Variants in BTD observed in about 807,000 individuals in gnomAD.
BTD encodes the protein biotinidase.
BTD carries 13 observed loss-of-function variants against 17.7 expected under a neutral mutation model. That is an observed-to-expected ratio of 0.74 (90% CI 0.48 to 1.17). The LOEUF (loss-of-function observed/expected upper bound fraction) is 1.17. Among genes scored for constraint, BTD ranks in the 50% most tolerant of loss-of-function variants. BTD has a pLI of 0.00. For missense variants in BTD, 674 were observed against 650.4 expected, an observed-to-expected ratio of 1.04 and a Z score of -0.39; for synonymous variants, 240 against 245.2, an observed-to-expected ratio of 0.98 and a Z score of 0.20.
Position 15,651,181 on chromosome 3 carries a change from C to G in BTD, c.*5693C>G, listed in dbSNP as rs1032473543. On this transcript the variant is annotated 3_prime_UTR_variant, in exon 4 of 4. Coordinates refer to ENST00000643237, the MANE Select transcript of BTD (RefSeq NM_001370658.1). ...ATGGATTGAGGGGTGGGGACTGTTT[C>G]CCAGGGGAACACTGGGACAGCGTTA... is the stretch of plus-strand genomic sequence containing the variant. Among the ~76,000 whole-genome samples, 1 of 152,140 alleles carries G rather than the reference C, an allele frequency of 6.6e-6. No homozygotes were observed. Among genetic ancestry groups the G allele is most frequent in the Non-Finnish European group, 1.5e-5 (1 of 68,022 alleles).
rs201631150 is a variant in BTD at position 15,721,045 on chromosome 3, A to G, written c.1016-725A>G. On this transcript the variant is annotated intron_variant, in intron 4 of 4. Transcript: ENST00000672427. ...TTGATTCACAATAGCACCACAGTCT[A>G]TAAGTTCATTCACTACAACATCTTG... 399 of 1,613,938 alleles carry G rather than the reference A, an allele frequency of 2.5e-4. No homozygotes were observed. Among genetic ancestry groups the G allele is most frequent in the Middle Eastern group, 1.8e-3 (11 of 6,060 alleles).
At chr3:15,681,274 A>G (rs2067518716) in intron 3 of BTD, among the ~76,000 whole-genome samples, 1 of 152,338 alleles carries the variant, frequency 6.6e-6, no homozygotes, top group Non-Finnish European at 1.5e-5. Context: ...AAAAGTCTGT[A>G]CATGTTCAGC....
At chr3:15,637,097 G>A (rs187060104) in intron 2 of BTD, among the ~76,000 whole-genome samples, 16 of 152,198 alleles carry the variant, frequency 1.1e-4, no homozygotes, top group East Asian at 3.9e-4. Flanking sequence ...CCTTATCACG[G>A]CATGCCATCT....
Position 15,721,588 on chromosome 3 carries a change from A to G in BTD, c.1016-182A>G, listed in dbSNP as rs192760671. On this transcript the variant is annotated intron_variant, in intron 4 of 4. Transcript: ENST00000672427. Reference sequence around the variant, plus strand: ...TAACCTTAGTAATAAAGTACAGATCAAGATTTAAAAAAAAATGAACGGCAT... The same window carrying G: ...TAACCTTAGTAATAAAGTACAGATCGAGATTTAAAAAAAAATGAACGGCAT... 2.7e-3 allele frequency among the ~76,000 whole-genome samples: 414 copies of G among 152,338 alleles called. 1 individual carries two copies. The highest frequency in any genetic ancestry group is 9.6e-3 in the African/African-American group (400 of 41,586).
intron 1 of BTD, among the ~76,000 whole-genome samples, chr3:15,610,165 T>A (rs182114016): frequency 6.6e-6 from 1 of 152,312 alleles, no homozygotes; most frequent in African/African-American, 2.4e-5. Flanking sequence ...GGCTCACCCA[T>A]GTATCTGTTA....
intron 1 of BTD, among the ~76,000 whole-genome samples, chr3:15,617,162 C>T (rs573431852): frequency 2.0e-5 from 3 of 152,288 alleles, no homozygotes; most frequent in South Asian, 4.1e-4. Context: ...AAGTTGTTTA[C>T]TTTCTTATTG....
intron 1 of BTD, among the ~76,000 whole-genome samples, chr3:15,632,072 C>T (rs146244102): frequency 6.5e-4 from 99 of 152,288 alleles, no homozygotes; most frequent in African/African-American, 2.3e-3. Context: ...GCCTCAGGCT[C>T]TCTGCCTGCC....
At chr3:15,658,181 A>G (rs2065890252), downstream of BTD, among the ~76,000 whole-genome samples, 1 of 148,954 alleles carries the variant, frequency 6.7e-6, no homozygotes, top group South Asian at 2.2e-4. Context: ...AAAAAAAAAA[A>G]AGAAAGAAAG....
chr3:15,689,495 A>C (rs979004965), intron 3 of BTD, among the ~76,000 whole-genome samples: 4 of 152,226 alleles, frequency 2.6e-5, no homozygotes, highest in Non-Finnish European at 4.4e-5. Flanking sequence ...TTGTTTTCCA[A>C]GAGAGGCCAC....
At chr3:15,656,435 G>A (rs747737811), downstream of BTD, among the ~76,000 whole-genome samples, 3 of 152,192 alleles carry the variant, frequency 2.0e-5, no homozygotes, top group Non-Finnish European at 4.4e-5. Flanking sequence ...TCTGACCCCA[G>A]CTCATGCGGG....
intron 1 of BTD, among the ~76,000 whole-genome samples, chr3:15,631,867 C>T (rs1018361681): frequency 2.0e-5 from 3 of 152,222 alleles, no homozygotes. Context: ...TTCTCTGGAT[C>T]TCACTGGCTG....
chr3:15,610,092 C>T (rs559750649), intron 1 of BTD, among the ~76,000 whole-genome samples: 50 of 152,292 alleles, frequency 3.3e-4, no homozygotes, highest in African/African-American at 8.9e-4. Flanking sequence ...CACCCCAAAA[C>T]TTAGTGGCTT....
intron 3 of BTD, among the ~76,000 whole-genome samples, chr3:15,708,717 T>C (rs918190142): frequency 1.3e-5 from 2 of 152,174 alleles, no homozygotes; most frequent in Admixed American, 6.5e-5. Context: ...GTTCTTTCCA[T>C]TAAGTAGGCT....
chr3:15,674,813 A>G (rs1242092006), intron 3 of BTD, among the ~76,000 whole-genome samples: 2 of 152,126 alleles, frequency 1.3e-5, no homozygotes, highest in Non-Finnish European at 2.9e-5. Flanking sequence ...AAAAAAATTT[A>G]TCAAAGGAAA....
rs2065808321 is a variant in BTD, at chr3:15,651,738, G to A, written c.*6250G>A. ...AGAAGTCAGTGTTGGGGAGGTCACA[G>A]AACAGAATGGAGAGGGGTAGAGTAT... On this transcript the variant is annotated 3_prime_UTR_variant, in exon 4 of 4. Coordinates refer to ENST00000643237, the MANE Select transcript of BTD (RefSeq NM_001370658.1). 6.6e-6 allele frequency among the ~76,000 whole-genome samples: 1 copy of A among 152,222 alleles called. No individual in the cohort carries two copies. The highest frequency in any genetic ancestry group is 1.9e-4 in the East Asian group (1 of 5,190).
chr3:15,629,577 G>A (rs538774272), intron 1 of BTD, among the ~76,000 whole-genome samples: 225 of 152,290 alleles, frequency 1.5e-3, no homozygotes, highest in Middle Eastern at 6.8e-3. Flanking sequence ...AGGCTGGAGT[G>A]CAATGGTGCG....
intron 3 of BTD, among the ~76,000 whole-genome samples, chr3:15,682,603 G>A (rs1207071630): frequency 6.6e-6 from 1 of 152,138 alleles, no homozygotes; most frequent in East Asian, 1.9e-4. Context: ...CTGAAATTGT[G>A]AACTTTTAGT....
At chr3:15,684,469 T>C (rs1405712850) in intron 3 of BTD, 2 of 152,220 alleles carry the variant, frequency 1.3e-5, no homozygotes, top group African/African-American at 4.8e-5. Flanking sequence ...TTACTGGTAA[T>C]ATAAGAATGT....
chr3:15,605,676 C>A (rs1434980820), intron 1 of BTD, among the ~76,000 whole-genome samples: 1 of 151,750 alleles, frequency 6.6e-6, no homozygotes, highest in Non-Finnish European at 1.5e-5. Context: ...ATATATATAT[C>A]TATGAAATCA....
Sources: gnomAD v4.1 joint callset for allele counts (sites outside exome capture counted in the v4.1 genomes callset) on GRCh38, gnomAD v4.1.1 for gene constraint, MANE v1.5 for transcripts, NCBI Gene and HGNC (gene_info 2026-07-23, HGNC 2026-07-21) for gene names.